HINT1: variants seen among roughly 807,000 people sequenced by gnomAD.
HINT1 encodes adenosine 5'-monophosphoramidase HINT1.
In HINT1, 12 loss-of-function variants were observed where a neutral mutation model predicts 11.2. That is an observed-to-expected ratio of 1.07 (90% CI 0.69 to 1.74). The LOEUF (loss-of-function observed/expected upper bound fraction) is 1.74. HINT1 is among the 40% of genes most tolerant of loss of function. The pLI is 0.00. For synonymous variants in HINT1, 42 were observed against 52.6 expected, an observed-to-expected ratio of 0.80 and a Z score of 0.87; for missense variants, 150 against 161.8, an observed-to-expected ratio of 0.93 and a Z score of 0.40.
At chr5:131,164,081 A>G (rs1283217975) in intron 1 of HINT1, among the ~76,000 whole-genome samples, 2 of 152,218 alleles carry the variant, frequency 1.3e-5, no homozygotes, top group Non-Finnish European at 2.9e-5. Context: ...GAGGAACCTA[A>G]TTAAATTTTT....
At chr5:131,160,443 T>C (rs2149651758) in intron 2 of HINT1, among the ~76,000 whole-genome samples, 1 of 152,294 alleles carries the variant, frequency 6.6e-6, no homozygotes. Flanking sequence ...GGGGAGAAGG[T>C]TGCCAAGAGA....
At chr5:131,162,410 A>G (rs1478920374) in intron 2 of HINT1, 162 bp downstream of exon 2, 1 of 1,436,778 alleles carries the variant, frequency 7.0e-7, no homozygotes, top group Admixed American at 2.0e-5. Flanking sequence ...AAAATGATGC[A>G]GTAACTTTGG....
rs1282124130 is a variant in HINT1, at chr5:131,159,265, T to A, written c.*182A>T. ...ACAAATATGTTTTTAAAATAACAAA[T>A]CAAACGCAACACTCAGAGAGACTAT... On this transcript the variant is annotated 3_prime_UTR_variant, in exon 3 of 3. Coordinates refer to ENST00000304043, the MANE Select transcript of HINT1 (RefSeq NM_005340.7). The A allele has an allele frequency of 6.1e-6, 3 of 493,358 alleles. No individual in the cohort carries two copies. The highest frequency in any genetic ancestry group is 1.9e-5 in the African/African-American group (1 of 52,176). 30.6% of individuals were successfully genotyped at this position (493,358 alleles called of 1,614,324 possible).
chr5:131,164,041 G>A (rs1365106265), intron 1 of HINT1, among the ~76,000 whole-genome samples: 10 of 152,014 alleles, frequency 6.6e-5, no homozygotes. Context: ...CCTGAGTAGA[G>A]ACAAAGTATT....
chr5:131,159,521 C>T lies in HINT1; in HGVS notation c.307G>A (p.Asp103Asn). Residue 103 changes from aspartate (D) to asparagine (N), a missense_variant, in exon 3 of 3, where the codon GAT becomes AAT. Physicochemically the swap from Asp to Asn is conservative, Grantham distance 23. Coordinates refer to ENST00000304043, the MANE Select transcript of HINT1 (RefSeq NM_005340.7). ...ACGTGATAGACAGACTGTCCACCAT[C>T]TGAACCTTCATTCACCACCATTCGA... ...GYRMVVNEGS[D>N]GGQSVYHVHL... 6.2e-7 allele frequency: 1 copy of T among 1,613,900 alleles called. No homozygotes were observed. Among genetic ancestry groups the T allele is most frequent in the Non-Finnish European group, 8.5e-7 (1 of 1,179,970 alleles).
chr5:131,162,574 T>A lies in HINT1; in HGVS notation c.214A>T (p.Ser72Cys). 6.2e-7 allele frequency: 1 copy of A among 1,609,422 alleles called. No individual in the cohort carries two copies. Among genetic ancestry groups the A allele is most frequent in the Non-Finnish European group, 8.5e-7 (1 of 1,175,736 alleles). The change falls in exon 2 of 3, where the codon AGT becomes TGT. Residue 72 changes from serine to cysteine, a missense_variant and splice_region_variant. Physicochemically the swap from Ser to Cys is moderately radical, Grantham distance 112 (BLOSUM62 -1). Transcript: ENST00000304043. ...AATCATGTTAGAAATGTACTTACAC[T>A]TTCATCATCATCTTCTGCCACAGAA... ...QISVAEDDDE[S>C]LLGHLMIVGK...
At chr5:131,164,958 G>A in intron 1 of HINT1, 137 bp downstream of exon 1, 1 of 1,281,136 alleles carries the variant, frequency 7.8e-7, no homozygotes, top group Non-Finnish European at 1.1e-6. Flanking sequence ...CTGGCTGGGG[G>A]CCCGCTGGAC....
rs1167577749 is a variant in HINT1, at chr5:131,162,844, C to CT, written c.112-169dup. 8.0e-4 allele frequency among the ~76,000 whole-genome samples: 118 copies of CT among 146,666 alleles called. No individual in the cohort carries two copies. In the South Asian group the frequency reaches 0.012, roughly 15 times the overall value. On this transcript the variant is annotated intron_variant, in intron 1 of 2. Coordinates refer to ENST00000304043, the MANE Select transcript of HINT1 (RefSeq NM_005340.7). ...GTGCCGTGGTCCTTTCCATGGAAGT[C>CT]TTTTTTTTTTTGAGATGGAATCTCA...
intron 1 of HINT1, among the ~76,000 whole-genome samples, chr5:131,163,656 ATTCTCACT>A (rs1260062958): frequency 2.0e-5 from 3 of 151,762 alleles, no homozygotes; most frequent in African/African-American, 7.3e-5. Flanking sequence ...ATTAATATCT[ATTCTCACT>A]TTACTCAACT....
rs1378782124 is a variant in HINT1 at position 131,159,604 on chromosome 5, C to A, written c.224G>T (p.Gly75Val). The change falls in exon 3 of 3, where the codon GGA becomes GTA. Residue 75 changes from glycine (G) to valine (V), a missense_variant. By Grantham distance (109) the Gly-to-Val change is moderately radical. Coordinates refer to ENST00000304043, the MANE Select transcript of HINT1 (RefSeq NM_005340.7). ...TTTCTTGCCAACAATCATTAAGTGT[C>A]CAAGAAGCTGGAAAAGGAAAAAAAG... ...VAEDDDESLL[G>V]HLMIVGKKCA... 3 of 1,607,480 alleles carry A rather than the reference C, an allele frequency of 1.9e-6. No individual in the cohort carries two copies. In the South Asian group the frequency reaches 3.3e-5, roughly 18 times the overall value.
intron 2 of HINT1, chr5:131,160,922 T>C: frequency 2.3e-6 from 1 of 443,926 alleles, no homozygotes; most frequent in East Asian, 7.1e-5. Context: ...CAAGCTTAAG[T>C]TAGACTAGGC....
At chr5:131,164,502 T>C (rs187566736) in intron 1 of HINT1, among the ~76,000 whole-genome samples, 7 of 151,932 alleles carry the variant, frequency 4.6e-5, no homozygotes, top group African/African-American at 9.7e-5. Flanking sequence ...GGGGTGGAGA[T>C]AGGGATAGGG....
At chr5:131,165,016 C>G in intron 1 of HINT1, 79 bp downstream of exon 1, 1 of 1,593,822 alleles carries the variant, frequency 6.3e-7, no homozygotes, top group Non-Finnish European at 8.5e-7. Flanking sequence ...GCGACCCCTC[C>G]TCTCCCTCCG....
intron 1 of HINT1, 182 bp downstream of exon 1, chr5:131,164,913 C>A: frequency 1.3e-6 from 1 of 760,816 alleles, no homozygotes. Flanking sequence ...CGGCACGCGC[C>A]GGCAGGCCGC....
chr5:131,160,008 C>A (rs1755208771), intron 2 of HINT1, among the ~76,000 whole-genome samples: 2 of 152,100 alleles, frequency 1.3e-5, no homozygotes, highest in Admixed American at 1.3e-4. Flanking sequence ...CATGCCACCA[C>A]ACCCGGCTAA....
intron 2 of HINT1, chr5:131,160,633 C>A: frequency 9.7e-7 from 1 of 1,031,374 alleles, no homozygotes; most frequent in Non-Finnish European, 1.2e-6. Context: ...TTATTAAGCC[C>A]CAGGACAGTG....
intron 2 of HINT1, among the ~76,000 whole-genome samples, chr5:131,161,472 T>C (rs576458669): frequency 2.0e-4 from 30 of 151,872 alleles, no homozygotes; most frequent in African/African-American, 6.3e-4. Context: ...CGTGATGGCA[T>C]GCCTGTAATC....
chr5:131,159,484 A>G lies in HINT1; in HGVS notation c.344T>C (p.Val115Ala). 7 of 1,613,272 alleles carry G rather than the reference A, an allele frequency of 4.3e-6. No individual in the cohort carries two copies. Among genetic ancestry groups the G allele is most frequent in the Non-Finnish European group, 5.9e-6 (7 of 1,179,990 alleles). The stretch of plus-strand genomic sequence containing the variant: ...CCAATGCATTTGCCGACCTCCAAGA[A>G]CATGGAGATGAACGTGATAGACAGA... ...GQSVYHVHLH[V>A]LGGRQMHWPP... The change falls in exon 3 of 3, where the codon GTT becomes GCT. Residue 115 changes from valine to alanine, a missense_variant. Transcript: ENST00000304043.
At chr5:131,163,541 G>T (rs1479654751) in intron 1 of HINT1, among the ~76,000 whole-genome samples, 1 of 150,012 alleles carries the variant, frequency 6.7e-6, no homozygotes, top group Non-Finnish European at 1.5e-5. Context: ...TGCCCTCCCC[G>T]TCCCATTACT....
Sources: gnomAD v4.1 joint callset for allele counts (sites outside exome capture counted in the v4.1 genomes callset) on GRCh38, gnomAD v4.1.1 for gene constraint, MANE v1.5 for transcripts, NCBI Gene and HGNC (gene_info 2026-07-23, HGNC 2026-07-21) for gene names.